Variants in ADA2 observed in about 807,000 individuals in gnomAD.
ADA2 encodes adenosine deaminase 2.
A neutral mutation model predicts 44.2 loss-of-function variants in ADA2; 29 were observed. That is an observed-to-expected ratio of 0.66 (90% CI 0.49 to 0.89). ADA2 has a LOEUF of 0.89. Ranked by LOEUF, ADA2 falls within the 40% of genes least tolerant of loss-of-function variation. ADA2 has a pLI of 0.00. For missense variants in ADA2, 637 were observed against 644.8 expected (o/e 0.99, Z 0.13); for synonymous variants, 215 against 234.9 (o/e 0.92, Z 0.77).
At chr22:17,191,915 A>ACCACCCCCTTCCCAGCCACCCCTTCCCAG (rs2062121107) in intron 4 of ADA2, 105 bp from the exon 5 acceptor site, 2 of 1,042,678 alleles carry the variant, frequency 1.9e-6, no homozygotes, top group Non-Finnish European at 2.6e-6. Flanking sequence ...CCCCTGCCCA[A>ACCACCCCCTTCCCAGCCACCCCTTCCCAG]CCACCCCCTT....
intron 7 of ADA2, among the ~76,000 whole-genome samples, chr22:17,185,305 A>G (rs1009390946): frequency 6.6e-5 from 10 of 151,432 alleles, no homozygotes; most frequent in African/African-American, 2.4e-4. Flanking sequence ...AGTCCCAGCT[A>G]CTCGGGAGGC....
chr22:17,186,696 C>T (rs940042633), intron 7 of ADA2, among the ~76,000 whole-genome samples: 1 of 151,786 alleles, frequency 6.6e-6, no homozygotes, highest in Non-Finnish European at 1.5e-5. Context: ...TGGTGAAACC[C>T]CATCTCTACT....
chr22:17,200,814 G>A (rs1055162973), intron 4 of ADA2, among the ~76,000 whole-genome samples: 1 of 151,584 alleles, frequency 6.6e-6, no homozygotes, highest in Admixed American at 6.6e-5. Context: ...CCCAGGAGGC[G>A]GAGGTTGCAG....
At chr22:17,209,076 T>A (rs2062388632) in intron 2 of ADA2, among the ~76,000 whole-genome samples, 1 of 152,058 alleles carries the variant, frequency 6.6e-6, no homozygotes, top group Admixed American at 6.6e-5. Flanking sequence ...CATTGTATCC[T>A]ATGTGGTAGC....
intron 1 of ADA2, among the ~76,000 whole-genome samples, chr22:17,216,771 A>AC (rs56275327): frequency 0.23 from 30,777 of 134,468 alleles, 4,025 homozygotes; most frequent in African/African-American, 0.37. Flanking sequence ...AAAAAAAAAA[A>AC]ACACACACAC....
In ADA2 at chr22:17,209,210, C is replaced by G. The variant is rs569564643; in HGVS notation, c.322+146G>C. 7.2e-6 allele frequency: 5 copies of G among 694,832 alleles called. 1 individual carries two copies. The African/African-American group carries it at 8.9e-5, about 12-fold the overall frequency. The allele number at this position is 694,832 out of a possible 1,614,324, so 43.0% of individuals were successfully genotyped here. ...TGGTTTTCAACACCCTTTTCCTAGT[C>G]TACCCATAAGGACAGAGGAGCAGAA... is the stretch of plus-strand genomic sequence containing the variant. On this transcript the variant is annotated intron_variant, in intron 2 of 9. Coordinates refer to ENST00000399837, the MANE Select transcript of ADA2 (RefSeq NM_001282225.2).
chr22:17,191,892 C>A, intron 4 of ADA2, 82 bp from the exon 5 acceptor site: 1 of 1,427,704 alleles, frequency 7.0e-7, no homozygotes, highest in East Asian at 2.4e-5. Context: ...GCCCAGCCAC[C>A]CCTGGCCAGC....
chr22:17,202,627 T>A (rs1252366645), intron 4 of ADA2, among the ~76,000 whole-genome samples: 2 of 152,158 alleles, frequency 1.3e-5, no homozygotes, highest in Non-Finnish European at 2.9e-5. Context: ...AGTCTCTCCA[T>A]CCTAAAAAGA....
At chr22:17,198,801 G>C (rs1337906297) in intron 4 of ADA2, 2 of 152,460 alleles carry the variant, frequency 1.3e-5, no homozygotes, top group East Asian at 3.9e-4. Context: ...TGGGGGAAGG[G>C]GCCGGAGCCC....
chr22:17,216,399 G>C (rs1321658241), intron 1 of ADA2, among the ~76,000 whole-genome samples: 1 of 151,760 alleles, frequency 6.6e-6, no homozygotes, highest in Non-Finnish European at 1.5e-5. Context: ...CCTACAGTTA[G>C]ATAGAAGAAA....
chr22:17,207,512 G>A (rs2240617), intron 2 of ADA2, among the ~76,000 whole-genome samples: 16,110 of 151,884 alleles, frequency 0.11, 1,043 homozygotes, highest in East Asian at 0.2. Flanking sequence ...ACAAGAAGAC[G>A]TGCAAGCAGA....
At chr22:17,187,965 G>A (rs145746160) in intron 7 of ADA2, among the ~76,000 whole-genome samples, 2,209 of 149,934 alleles carry the variant, frequency 0.015, 52 homozygotes, top group African/African-American at 0.052. Flanking sequence ...TTAGCCAGGC[G>A]TGGTGGCAGG....
chr22:17,182,665 G>A lies in ADA2; in HGVS notation c.1178C>T (p.Ala393Val), dbSNP rs972669448. ...GHGFALSKHP[A>V]VRTYSWKKDI... ...CTTTTTCCAGGAGTAAGTCCTGACT[G>A]CGGGGTGTTTGCTCAAAGCAAATCC... Residue 393 changes from alanine (A) to valine (V), a missense_variant, in exon 8 of 10, where the codon GCA (alanine) becomes GTA (valine). Transcript: ENST00000399837. 6.2e-7 allele frequency: 1 copy of A among 1,614,140 alleles called. No homozygotes were observed. The highest frequency in any genetic ancestry group is 8.5e-7 in the Non-Finnish European group (1 of 1,180,022).
intron 7 of ADA2, among the ~76,000 whole-genome samples, chr22:17,184,395 G>A (rs2062011746): frequency 6.6e-6 from 1 of 152,086 alleles, no homozygotes; most frequent in Non-Finnish European, 1.5e-5. Context: ...AGCTTTGGGG[G>A]ATTCCTCCCT....
intron 4 of ADA2, chr22:17,199,433 T>TATCCTCTTCCCCTCCCACCCCACCACA: frequency 5.1e-6 from 5 of 978,042 alleles, no homozygotes; most frequent in Non-Finnish European, 8.2e-6. Context: ...TCCCCTCCTC[T>TATCCTCTTCCCCTCCCACCCCACCACA]ATCCTCTTCC....
chr22:17,193,428 C>T (rs1325969528), intron 4 of ADA2: 9 of 353,020 alleles, frequency 2.5e-5, no homozygotes, highest in Non-Finnish European at 4.0e-5. Context: ...GCACTTTGGG[C>T]GGTCGAGGTG....
chr22:17,184,523 T>C (rs1079554), intron 7 of ADA2, among the ~76,000 whole-genome samples: 133,352 of 152,156 alleles, frequency 0.88, 58,539 homozygotes, highest in East Asian at 0.92. Context: ...ACAATGGGCA[T>C]AGCACAGATT....
intron 7 of ADA2, among the ~76,000 whole-genome samples, chr22:17,186,963 G>A (rs928740824): frequency 3.3e-5 from 5 of 151,702 alleles, no homozygotes; most frequent in Admixed American, 6.6e-5. Flanking sequence ...TCAGGCGATC[G>A]AGACCATCCT....
intron 4 of ADA2, chr22:17,199,557 A>T: frequency 6.2e-7 from 1 of 1,614,038 alleles, no homozygotes; most frequent in African/African-American, 1.3e-5. Flanking sequence ...ACCAGAGCCC[A>T]GTTCCATTCC....
Sources: allele counts gnomAD v4.1 joint callset (sites outside exome capture counted in the v4.1 genomes callset), GRCh38; gene constraint gnomAD v4.1.1; transcripts MANE v1.5; gene names NCBI Gene and HGNC (gene_info 2026-07-23, HGNC 2026-07-21).